SEMA5A: variants seen among roughly 807,000 people sequenced by gnomAD.
SEMA5A encodes semaphorin 5A, also known as semaphorin-5A.
SEMA5A carries 55 observed loss-of-function variants against 135.5 expected under a neutral mutation model. That is an observed-to-expected ratio of 0.41 (90% CI 0.33 to 0.51). The LOEUF (loss-of-function observed/expected upper bound fraction) is 0.51, where lower values mean the gene tolerates loss of function less well. Ranked by LOEUF, SEMA5A falls within the 20% of genes least tolerant of loss-of-function variation. The pLI, the probability that SEMA5A is intolerant of heterozygous loss-of-function variation, is 0.37. For missense variants in SEMA5A, 1,290 were observed against 1,419.9 expected (o/e 0.91, Z 1.47); for synonymous variants, 580 against 546.5 (o/e 1.06, Z -0.85).
intron 11 of SEMA5A, among the ~76,000 whole-genome samples, chr5:9,179,102 A>G (rs1157577151): frequency 6.6e-6 from 1 of 152,230 alleles, no homozygotes; most frequent in Non-Finnish European, 1.5e-5. Flanking sequence ...CATCTCAAAA[A>G]GAAACAATAC....
chr5:9,463,434 C>T (rs974848765), intron 1 of SEMA5A, among the ~76,000 whole-genome samples: 1 of 152,066 alleles, frequency 6.6e-6, no homozygotes, highest in Non-Finnish European at 1.5e-5. Flanking sequence ...GTATTATTTT[C>T]CAGGCAAGTT....
intron 3 of SEMA5A, among the ~76,000 whole-genome samples, chr5:9,379,281 G>A (rs1392894761): frequency 6.6e-6 from 1 of 152,148 alleles, no homozygotes; most frequent in Non-Finnish European, 1.5e-5. Context: ...TGCCCCGGGT[G>A]TGAAGGACCT....
chr5:9,480,932 G>T (rs977198259), intron 1 of SEMA5A, among the ~76,000 whole-genome samples: 2 of 151,974 alleles, frequency 1.3e-5, no homozygotes, highest in Middle Eastern at 3.4e-3. Context: ...AGAAAACATG[G>T]TTTTTTGTTT....
At chr5:9,071,761 T>C (rs1737780493) in intron 16 of SEMA5A, among the ~76,000 whole-genome samples, 2 of 152,188 alleles carry the variant, frequency 1.3e-5, no homozygotes, top group African/African-American at 2.4e-5. Context: ...CAACTGAATA[T>C]GTAAATCAAA....
At chr5:9,127,244 G>T (rs2150196822) in intron 13 of SEMA5A, among the ~76,000 whole-genome samples, 2 of 152,290 alleles carry the variant, frequency 1.3e-5, no homozygotes, top group Middle Eastern at 6.8e-3. Context: ...GGTGTGAGGG[G>T]TCATTCAGGT....
At chr5:9,413,824 CAT>C (rs1561233457) in intron 2 of SEMA5A, among the ~76,000 whole-genome samples, 2 of 152,172 alleles carry the variant, frequency 1.3e-5, no homozygotes, top group Non-Finnish European at 2.9e-5. Flanking sequence ...TAATAATGTA[CAT>C]GTTTCTGAAA....
At chr5:9,200,984 G>A (rs993767753) in intron 9 of SEMA5A, among the ~76,000 whole-genome samples, 2 of 152,214 alleles carry the variant, frequency 1.3e-5, no homozygotes, top group South Asian at 4.1e-4. Context: ...ATTCAGGACT[G>A]TTGGTCATCC....
At chr5:9,471,610 T>C (rs1759481919) in intron 1 of SEMA5A, among the ~76,000 whole-genome samples, 1 of 152,226 alleles carries the variant, frequency 6.6e-6, no homozygotes, top group African/African-American at 2.4e-5. Flanking sequence ...GATTAGAAAC[T>C]GGTTTGTTAG....
chr5:9,481,694 G>A (rs1361952713), intron 1 of SEMA5A, among the ~76,000 whole-genome samples: 2 of 151,818 alleles, frequency 1.3e-5, no homozygotes, highest in Non-Finnish European at 2.9e-5. Flanking sequence ...TTTGTTTAGA[G>A]CCCAGATTCT....
intron 2 of SEMA5A, among the ~76,000 whole-genome samples, chr5:9,418,120 G>A (rs909117059): frequency 7.9e-5 from 12 of 152,238 alleles, no homozygotes; most frequent in South Asian, 2.1e-4. Context: ...GGGACTACAG[G>A]TGCCCGCTAC....
At chr5:9,222,426 T>C (rs1363640857) in intron 8 of SEMA5A, among the ~76,000 whole-genome samples, 1 of 152,136 alleles carries the variant, frequency 6.6e-6, no homozygotes, top group Non-Finnish European at 1.5e-5. Context: ...GGCAGGGCTC[T>C]TGGTTTTCTA....
At chr5:9,067,072 G>A (rs577230914) in intron 16 of SEMA5A, among the ~76,000 whole-genome samples, 1 of 152,182 alleles carries the variant, frequency 6.6e-6, no homozygotes, top group Non-Finnish European at 1.5e-5. Flanking sequence ...TAAGACCTGG[G>A]ATCACAGATG....
At chr5:9,386,370 C>T (rs570416775) in intron 2 of SEMA5A, among the ~76,000 whole-genome samples, 26 of 152,180 alleles carry the variant, frequency 1.7e-4, no homozygotes, top group Non-Finnish European at 3.1e-4. Flanking sequence ...TCAGCTTCTG[C>T]CTTTCAAAAA....
At chr5:9,351,535 A>G (rs1184524434) in intron 3 of SEMA5A, among the ~76,000 whole-genome samples, 4 of 152,188 alleles carry the variant, frequency 2.6e-5, no homozygotes, top group Non-Finnish European at 4.4e-5. Flanking sequence ...ACTGTCTCAC[A>G]GAAACCAGTA....
chr5:9,105,087 T>G (rs914471875), intron 16 of SEMA5A, among the ~76,000 whole-genome samples: 1 of 152,196 alleles, frequency 6.6e-6, no homozygotes, highest in Non-Finnish European at 1.5e-5. Context: ...CAGAGTTAAG[T>G]GACAGCACAA....
intron 13 of SEMA5A, among the ~76,000 whole-genome samples, chr5:9,126,846 A>G (rs899126260): frequency 1.3e-5 from 2 of 152,180 alleles, no homozygotes; most frequent in Non-Finnish European, 2.9e-5. Context: ...AGGTTTCACA[A>G]TTGCAATGTT....
At chr5:9,206,621 T>C (rs1746033031) in intron 8 of SEMA5A, among the ~76,000 whole-genome samples, 2 of 152,146 alleles carry the variant, frequency 1.3e-5, no homozygotes, top group African/African-American at 4.8e-5. Context: ...AGCAGATCTT[T>C]AATAGGTTCT....
At chr5:9,516,968 G>A (rs1736563492) in intron 1 of SEMA5A, 1 of 152,200 alleles carries the variant, frequency 6.6e-6, no homozygotes, top group African/African-American at 2.4e-5. Context: ...ACCAAATCCT[G>A]TTATTCTCAC....
Position 9,237,901 on chromosome 5 carries a change from C to T in SEMA5A, c.271-11G>A. The T allele has an allele frequency of 6.2e-7, 1 of 1,612,966 alleles. No individual in the cohort carries two copies. Among genetic ancestry groups the T allele is most frequent in the African/African-American group, 1.3e-5 (1 of 74,954 alleles). On this transcript the variant is annotated splice_polypyrimidine_tract_variant and intron_variant, in intron 5 of 22. Coordinates refer to ENST00000382496, the MANE Select transcript of SEMA5A (RefSeq NM_003966.3). ...CTCCCATTCCACAGCCTGTAGAAAA[C>T]ACCAAAACAATAGCAGTCATGGTTT...
Sources: gnomAD v4.1 joint callset for allele counts (sites outside exome capture counted in the v4.1 genomes callset) on GRCh38, gnomAD v4.1.1 for gene constraint, MANE v1.5 for transcripts, NCBI Gene and HGNC (gene_info 2026-07-23, HGNC 2026-07-21) for gene names.